The following MRC1 variants were observed in gnomAD, a reference collection of about 807,000 sequenced individuals.
The protein encoded by MRC1 is mannose receptor C-type 1, also known as macrophage mannose receptor 1.
In MRC1, 62 loss-of-function variants were observed where a neutral mutation model predicts 102.9. The observed-to-expected ratio is 0.60, with a 90% confidence interval of 0.49 to 0.74. MRC1 has a LOEUF of 0.74. MRC1 is among the 30% of genes least tolerant of loss of function. The probability of loss-of-function intolerance (pLI) is 0.00; values close to 1 mark genes in which losing one functional copy is unlikely to be tolerated. For synonymous variants in MRC1, 457 were observed against 298.4 expected, an observed-to-expected ratio of 1.53 and a Z score of -5.48; for missense variants, 1,237 against 862.8, an observed-to-expected ratio of 1.43 and a Z score of -5.43.
chr10:17,818,577 G>A (rs1405950934), intron 1 of MRC1, among the ~76,000 whole-genome samples: 1 of 152,202 alleles, frequency 6.6e-6, no homozygotes. Context: ...GGGAGGCCGA[G>A]GTGTGCGGAT....
intron 6 of MRC1, among the ~76,000 whole-genome samples, chr10:17,849,232 G>T (rs1213154085): frequency 1.3e-5 from 2 of 150,834 alleles, no homozygotes; most frequent in African/African-American, 4.9e-5. Context: ...AGCCCAGGAG[G>T]TTGAGGCTGC....
At chr10:17,836,498 G>T (rs1838664479) in intron 4 of MRC1, among the ~76,000 whole-genome samples, 2 of 152,178 alleles carry the variant, frequency 1.3e-5, no homozygotes, top group African/African-American at 4.8e-5. Flanking sequence ...ATTCGAGGCA[G>T]TCTTGTGGTT....
In MRC1 at chr10:17,880,678, GA is replaced by G; in HGVS notation, c.2865+12del. ...AATTTCTACAGCAACAAGGTACTAGGAAAATTAGTTGCAATCTTGGCACTGA... is the reference window on the plus strand; with the variant it reads ...AATTTCTACAGCAACAAGGTACTAGGAAATTAGTTGCAATCTTGGCACTGA... On this transcript the variant is annotated intron_variant, in intron 20 of 29. Coordinates refer to ENST00000569591, the MANE Select transcript of MRC1 (RefSeq NM_002438.4). The G allele has an allele frequency of 1.3e-6, 1 of 780,832 alleles. No homozygotes were observed. The highest frequency in any genetic ancestry group is 2.4e-6 in the Non-Finnish European group (1 of 417,938). 48.4% of individuals were successfully genotyped at this position (780,832 alleles called of 1,614,324 possible).
chr10:17,883,565 A>T (rs1833548645), intron 21 of MRC1, among the ~76,000 whole-genome samples: 1 of 152,142 alleles, frequency 6.6e-6, no homozygotes, highest in African/African-American at 2.4e-5. Context: ...AGCGTATAGC[A>T]ATGGAATTGC....
intron 22 of MRC1, among the ~76,000 whole-genome samples, chr10:17,888,476 C>T (rs1833630798): frequency 6.6e-6 from 1 of 152,156 alleles, no homozygotes; most frequent in Non-Finnish European, 1.5e-5. Flanking sequence ...TACTTTCATT[C>T]AGAAAAACTG....
chr10:17,902,688 A>G (rs1833844408), intron 26 of MRC1, among the ~76,000 whole-genome samples: 1 of 152,202 alleles, frequency 6.6e-6, no homozygotes, highest in South Asian at 2.1e-4. Flanking sequence ...CCCTAACTCA[A>G]GAGTTCTCCA....
intron 9 of MRC1, 125 bp downstream of exon 9, chr10:17,856,477 C>G (rs1833094881): frequency 1.5e-6 from 1 of 686,272 alleles, no homozygotes; most frequent in East Asian, 2.7e-5. Context: ...TCTCAGTCTT[C>G]AATAGTTTAT....
chr10:17,867,505 C>T (rs1833293635), intron 12 of MRC1, among the ~76,000 whole-genome samples: 1 of 151,932 alleles, frequency 6.6e-6, no homozygotes, highest in Non-Finnish European at 1.5e-5. Flanking sequence ...TCACTGCAGC[C>T]TCAAACATCT....
chr10:17,839,692 T>A (rs904735519), intron 4 of MRC1, among the ~76,000 whole-genome samples: 1 of 152,128 alleles, frequency 6.6e-6, no homozygotes, highest in Admixed American at 6.6e-5. Context: ...CAAAGGATAG[T>A]TTTTATTTTA....
chr10:17,872,188 A>C (rs1833363354), intron 15 of MRC1, 62 bp downstream of exon 15: 1 of 779,002 alleles, frequency 1.3e-6, no homozygotes. Flanking sequence ...ACACCCCAGA[A>C]TCTTTCCTTT....
intron 2 of MRC1, 139 bp from the exon 3 acceptor site, chr10:17,827,403 A>ATCCCTCTGTGGGTGC: frequency 3.4e-6 from 1 of 295,536 alleles, no homozygotes; most frequent in Non-Finnish European, 6.5e-6. Context: ...AAAAAAAAAA[A>ATCCCTCTGTGGGTGC]AAAAAAAGAA....
At chr10:17,906,247 A>C (rs1361531824) in intron 26 of MRC1, among the ~76,000 whole-genome samples, 1 of 151,100 alleles carries the variant, frequency 6.6e-6, no homozygotes, top group African/African-American at 2.4e-5. Flanking sequence ...TTATCACCAC[A>C]TTGCTCTTAA....
rs1049303981 is a variant in MRC1 at position 17,892,590 on chromosome 10, A to G, written c.3148-1620A>G. ...GTGACAACTTCCAAGCTCCTTACAT[A>G]TCCAACTAGAGACTTAAGTTCTCAG... On this transcript the variant is annotated intron_variant, in intron 22 of 29. Transcript: ENST00000569591. 1.7e-3 allele frequency among the ~76,000 whole-genome samples: 256 copies of G among 152,224 alleles called. 2 individuals carry two copies. The highest frequency in any genetic ancestry group is 5.9e-3 in the African/African-American group (245 of 41,524).
intron 14 of MRC1, among the ~76,000 whole-genome samples, chr10:17,871,265 A>T (rs1833351182): frequency 6.6e-6 from 1 of 152,208 alleles, no homozygotes; most frequent in Non-Finnish European, 1.5e-5. Context: ...GTGATTTTGT[A>T]TAATTTCAGT....
intron 11 of MRC1, among the ~76,000 whole-genome samples, chr10:17,864,181 T>G (rs1833227689): frequency 6.6e-6 from 1 of 152,094 alleles, no homozygotes; most frequent in Non-Finnish European, 1.5e-5. Flanking sequence ...TTTTGTGTTT[T>G]TAGTAGAGAT....
chr10:17,885,125 T>C, intron 21 of MRC1, 144 bp from the exon 22 acceptor site: 1 of 697,246 alleles, frequency 1.4e-6, no homozygotes, highest in Non-Finnish European at 2.6e-6. Context: ...ATTAGAATGT[T>C]TGTGTGTTCA....
intron 3 of MRC1, among the ~76,000 whole-genome samples, chr10:17,831,323 G>C (rs1443996540): frequency 6.6e-6 from 1 of 151,218 alleles, no homozygotes; most frequent in Non-Finnish European, 1.5e-5. Flanking sequence ...CATGAAACTT[G>C]CAACACCTCA....
chr10:17,827,654 C>T lies in MRC1; in HGVS notation c.576C>T (p.Leu192=), dbSNP rs1156971855. The part of the protein sequence containing the change: ...CTSAGRSDGW[L]WCGTTTDYDT... ...GTGCTGGGCGGTCGGATGGATGGCT[C>T]TGGTGCGGAACCACTACTGACTATG... Residue 192 remains leucine, a synonymous_variant, in exon 3 of 30, where the codon CTC becomes CTT. Transcript: ENST00000569591. 1.8e-5 allele frequency: 14 copies of T among 780,728 alleles called. 1 individual carries two copies. Among genetic ancestry groups the T allele is most frequent in the South Asian group, 6.7e-5 (5 of 74,616 alleles). 48.4% of individuals were successfully genotyped at this position (780,728 alleles called of 1,614,324 possible).
intron 6 of MRC1, among the ~76,000 whole-genome samples, chr10:17,846,227 T>C (rs1350895111): frequency 6.6e-6 from 1 of 151,872 alleles, no homozygotes; most frequent in Non-Finnish European, 1.5e-5. Flanking sequence ...ATTTTAAATA[T>C]CGGCTAGACT....
Sources: gnomAD v4.1 joint callset for allele counts (sites outside exome capture counted in the v4.1 genomes callset) on GRCh38, gnomAD v4.1.1 for gene constraint, MANE v1.5 for transcripts, NCBI Gene and HGNC (gene_info 2026-07-23, HGNC 2026-07-21) for gene names.